Variants in MORC1 observed in about 807,000 individuals in gnomAD.
MORC1 encodes MORC family CW-type zinc finger 1, also known as MORC family CW-type zinc finger protein 1.
A neutral mutation model predicts 134.9 loss-of-function variants in MORC1; 59 were observed. The observed-to-expected ratio is 0.44, with a 90% CI of 0.35 to 0.54. The LOEUF is 0.54. MORC1 is among the 20% of genes least tolerant of loss of function. The pLI is 0.00. For synonymous variants in MORC1, 395 were observed against 391.7 expected, an observed-to-expected ratio of 1.01 and a Z score of -0.10; for missense variants, 947 against 1,134.5, an observed-to-expected ratio of 0.83 and a Z score of 2.37.
intron 14 of MORC1, among the ~76,000 whole-genome samples, chr3:109,037,302 C>A (rs889692985): frequency 6.6e-6 from 1 of 152,174 alleles, no homozygotes; most frequent in Non-Finnish European, 1.5e-5. Flanking sequence ...TTGAGGGTAG[C>A]GTCACATGGA....
intron 20 of MORC1, among the ~76,000 whole-genome samples, chr3:109,000,862 G>T (rs1304096803): frequency 1.3e-5 from 2 of 152,134 alleles, no homozygotes; most frequent in East Asian, 3.8e-4. Context: ...ATGCTGCTTA[G>T]GTTAATATTA....
intron 20 of MORC1, among the ~76,000 whole-genome samples, chr3:109,004,603 C>A (rs1948493009): frequency 6.6e-6 from 1 of 152,122 alleles, no homozygotes; most frequent in Non-Finnish European, 1.5e-5. Context: ...CATGAAAATT[C>A]TAGAGTTGTG....
intron 17 of MORC1, among the ~76,000 whole-genome samples, chr3:109,011,642 C>T (rs1160090781): frequency 6.6e-6 from 1 of 152,066 alleles, no homozygotes; most frequent in African/African-American, 2.4e-5. Context: ...CTGCTTCAGC[C>T]TCCAGAGTAG....
intron 17 of MORC1, among the ~76,000 whole-genome samples, chr3:109,026,348 A>C (rs1270517275): frequency 6.6e-6 from 1 of 152,152 alleles, no homozygotes; most frequent in African/African-American, 2.4e-5. Context: ...CCTTGGCTTA[A>C]ATCTTATGAA....
At chr3:109,109,450 A>T (rs1019117321) in intron 3 of MORC1, among the ~76,000 whole-genome samples, 12 of 152,162 alleles carry the variant, frequency 7.9e-5, no homozygotes, top group Non-Finnish European at 1.5e-5. Context: ...TATTACCTAG[A>T]CAGGAATATT....
intron 13 of MORC1, among the ~76,000 whole-genome samples, chr3:109,055,295 C>T (rs1169822341): frequency 6.6e-6 from 1 of 152,202 alleles, no homozygotes; most frequent in Non-Finnish European, 1.5e-5. Flanking sequence ...GATTTCTCCT[C>T]TTCATTGCAG....
chr3:109,073,330 T>C lies in MORC1; in HGVS notation c.690-3573A>G, dbSNP rs116272677. On this transcript the variant is annotated intron_variant, in intron 8 of 27. Coordinates refer to ENST00000232603, the MANE Select transcript of MORC1 (RefSeq NM_014429.4). Reference sequence around the variant, plus strand: ...GTGGCTAAGGCCATAGCTCCTTATCTGCTGATTCAGATTCTCTGTGGCTGG... The same window carrying C: ...GTGGCTAAGGCCATAGCTCCTTATCCGCTGATTCAGATTCTCTGTGGCTGG... Among the ~76,000 whole-genome samples, 780 of 152,326 alleles carry C rather than the reference T, an allele frequency of 5.1e-3. 18 individuals are homozygous for C. The highest frequency in any genetic ancestry group is 0.018 in the African/African-American group (748 of 41,576).
At chr3:109,115,932 G>C (rs1333021462) in intron 1 of MORC1, among the ~76,000 whole-genome samples, 1 of 151,750 alleles carries the variant, frequency 6.6e-6, no homozygotes, top group East Asian at 1.9e-4. Flanking sequence ...CTTGGTAAAA[G>C]GTATTTAAAC....
At chr3:108,973,594 G>GT (rs1559863612) in intron 24 of MORC1, among the ~76,000 whole-genome samples, 16 of 123,412 alleles carry the variant, frequency 1.3e-4, no homozygotes, top group Admixed American at 6.6e-4. Flanking sequence ...GCTTTGTTTT[G>GT]GTTTTTTTTT....
chr3:109,117,000 T>C (rs976266241), intron 1 of MORC1, among the ~76,000 whole-genome samples: 2 of 152,216 alleles, frequency 1.3e-5, no homozygotes, highest in Admixed American at 6.5e-5. Flanking sequence ...TTTTCTGAGA[T>C]AAAATTCACA....
chr3:109,102,526 C>A (rs1950948842), intron 4 of MORC1, among the ~76,000 whole-genome samples: 1 of 152,156 alleles, frequency 6.6e-6, no homozygotes, highest in Admixed American at 6.5e-5. Context: ...TTCTATGGGT[C>A]AAGATTGATC....
chr3:109,104,820 G>A (rs1559955300), intron 3 of MORC1, among the ~76,000 whole-genome samples: 1 of 151,548 alleles, frequency 6.6e-6, no homozygotes, highest in Non-Finnish European at 1.5e-5. Context: ...AATAATTTAT[G>A]CACAATAAAC....
chr3:109,024,417 A>G (rs897949637), intron 17 of MORC1, among the ~76,000 whole-genome samples: 5 of 152,200 alleles, frequency 3.3e-5, no homozygotes, highest in African/African-American at 1.2e-4. Context: ...AGATCTAGCT[A>G]CTTCATTTTC....
chr3:108,999,762 A>G (rs1373186760), intron 21 of MORC1, among the ~76,000 whole-genome samples: 1 of 152,224 alleles, frequency 6.6e-6, no homozygotes, highest in Non-Finnish European at 1.5e-5. Flanking sequence ...CTTCTTGGCA[A>G]TCAAGGTAAA....
chr3:109,111,840 A>C (rs1396041381), intron 2 of MORC1, among the ~76,000 whole-genome samples: 1 of 152,198 alleles, frequency 6.6e-6, no homozygotes, highest in Non-Finnish European at 1.5e-5. Context: ...CCACAGGCCT[A>C]GAAGTTAGTC....
intron 17 of MORC1, among the ~76,000 whole-genome samples, chr3:109,025,379 C>CTTTTTT (rs63701060): frequency 3.0e-4 from 32 of 105,076 alleles, no homozygotes; most frequent in East Asian, 8.9e-4. Flanking sequence ...TTTCTTTTTT[C>CTTTTTT]TTTTTTTTTT....
chr3:109,009,756 T>G (rs575402066), intron 17 of MORC1, among the ~76,000 whole-genome samples: 8 of 152,274 alleles, frequency 5.3e-5, no homozygotes, highest in African/African-American at 1.9e-4. Context: ...TTTATTATAA[T>G]ATATGTCTTA....
At chr3:108,965,950 T>C (rs1315644284) in intron 26 of MORC1, among the ~76,000 whole-genome samples, 3 of 152,178 alleles carry the variant, frequency 2.0e-5, no homozygotes. Flanking sequence ...TTTTATCAAA[T>C]TCTACAGGCC....
chr3:109,004,917 A>T (rs1472216705), intron 19 of MORC1, 29 bp from the exon 20 acceptor site: 5 of 1,601,590 alleles, frequency 3.1e-6, no homozygotes, highest in Non-Finnish European at 4.3e-6. Context: ...CAGAAAAAAA[A>T]ATTAGAAATT....
Sources: gnomAD v4.1 joint callset for allele counts (sites outside exome capture counted in the v4.1 genomes callset) on GRCh38, gnomAD v4.1.1 for gene constraint, MANE v1.5 for transcripts, NCBI Gene and HGNC (gene_info 2026-07-23, HGNC 2026-07-21) for gene names.